Variants in ZFYVE28 observed in about 807,000 individuals in gnomAD.
The protein encoded by ZFYVE28 is lateral signaling target protein 2 homolog.
A neutral mutation model predicts 82.1 loss-of-function variants in ZFYVE28; 40 were observed. The observed-to-expected ratio is 0.49, with a 90% CI of 0.38 to 0.63. ZFYVE28 has a LOEUF of 0.63. Ranked by LOEUF, ZFYVE28 falls within the 30% of genes least tolerant of loss-of-function variation. ZFYVE28 has a pLI of 0.00. For missense variants in ZFYVE28, 1,321 were observed against 1,242.1 expected (o/e 1.06, Z -0.96); for synonymous variants, 612 against 546.1 (o/e 1.12, Z -1.68).
At chr4:2,355,359 G>A (rs577275243) in intron 1 of ZFYVE28, among the ~76,000 whole-genome samples, 2 of 138,630 alleles carry the variant, frequency 1.4e-5, no homozygotes, top group African/African-American at 2.7e-5. Context: ...TTAGTTGACT[G>A]CAACCTCTGC....
At position 2,329,190 on chromosome 4, in the gene ZFYVE28, T is replaced by C. The variant is rs1366716768; in HGVS notation, c.701+6515A>G. On this transcript the variant is annotated intron_variant, in intron 6 of 12. Coordinates refer to ENST00000290974, the MANE Select transcript of ZFYVE28 (RefSeq NM_020972.3). Reference sequence around the variant, plus strand: ...GAGTTTCGACAGCAATTGCACAGAATCTGTAGATCACTTTATGGAGTATTG... The same window carrying C: ...GAGTTTCGACAGCAATTGCACAGAACCTGTAGATCACTTTATGGAGTATTG... 8 of 681,540 alleles carry C rather than the reference T, an allele frequency of 1.2e-5. No individual in the cohort carries two copies. The East Asian group carries it at 1.9e-4, about 16-fold the overall frequency. The allele number at this position is 681,540 out of a possible 1,614,324, so 42.2% of individuals were successfully genotyped here.
rs532353898 is a variant in ZFYVE28, at chr4:2,269,611, A to T, written c.*1114T>A. On this transcript the variant is annotated 3_prime_UTR_variant, in exon 13 of 13. Transcript: ENST00000290974. ...AGGAGAGCGTCTGCAATCCTTAAAT[A>T]GATTTATGGAAATGGCTTCAAATTA... 2.6e-5 allele frequency: 4 copies of T among 152,346 alleles called. No individual in the cohort carries two copies. In the East Asian group the frequency reaches 7.7e-4, roughly 29 times the overall value. 9.4% of individuals were successfully genotyped at this position (152,346 alleles called of 1,614,324 possible). A position where few individuals can be genotyped will look rare whatever the true frequency, so the allele number is the denominator to read the frequency against.
Position 2,339,430 on chromosome 4 carries a change from C to T in ZFYVE28, c.521+23G>A. The T allele has an allele frequency of 3.7e-6, 6 of 1,610,664 alleles. No individual in the cohort carries two copies. The highest frequency in any genetic ancestry group is 1.1e-5 in the South Asian group (1 of 90,260). ...CGTCCCCCAGCTCATACAGCCAGGG[C>T]TGTGGACCCACAGCTGCAGTACCTG... On this transcript the variant is annotated intron_variant, in intron 4 of 12. Coordinates refer to ENST00000290974, the MANE Select transcript of ZFYVE28 (RefSeq NM_020972.3). The surrounding 1 kb of genome is among the most constrained non-coding windows in gnomAD (Gnocchi z 5.0).
At chr4:2,333,370 G>C (rs565710606) in intron 6 of ZFYVE28, among the ~76,000 whole-genome samples, 2 of 150,808 alleles carry the variant, frequency 1.3e-5, no homozygotes, top group South Asian at 2.1e-4. Flanking sequence ...GACAGAAGGA[G>C]GAGCAGAGGT....
intron 1 of ZFYVE28, among the ~76,000 whole-genome samples, chr4:2,395,392 G>A (rs548432509): frequency 6.6e-6 from 1 of 152,366 alleles, no homozygotes; most frequent in South Asian, 2.1e-4. Flanking sequence ...TTGCTTTCGC[G>A]CAGACAGCAC....
intron 1 of ZFYVE28, among the ~76,000 whole-genome samples, chr4:2,402,347 G>C (rs757040499): frequency 1.4e-4 from 21 of 152,174 alleles, no homozygotes; most frequent in Non-Finnish European, 2.1e-4. Flanking sequence ...CCCGCCATCA[G>C]ACACCATCTC....
chr4:2,335,184 G>GTA lies in ZFYVE28; in HGVS notation c.701+519_701+520dup, dbSNP rs1006304787. Among the ~76,000 whole-genome samples the GTA allele has an allele frequency of 1.3e-5, 2 of 151,770 alleles. No individual in the cohort carries two copies. Among genetic ancestry groups the GTA allele is most frequent in the Non-Finnish European group, 2.9e-5 (2 of 67,918 alleles). On this transcript the variant is annotated intron_variant, in intron 6 of 12. Coordinates refer to ENST00000290974, the MANE Select transcript of ZFYVE28 (RefSeq NM_020972.3). This position sits in a 1 kb window ranked among gnomAD's most constrained non-coding sequence, Gnocchi z 5.8. Reference sequence around the variant, plus strand: ...CGCTGGCAGGAAAGGTTCCACACAGGTATTCCATCAGCCAGACCAACTGCC... The same window carrying GTA: ...CGCTGGCAGGAAAGGTTCCACACAGGTATATTCCATCAGCCAGACCAACTGCC...
chr4:2,358,060 C>T (rs1725596519), intron 1 of ZFYVE28, among the ~76,000 whole-genome samples: 1 of 152,140 alleles, frequency 6.6e-6, no homozygotes, highest in African/African-American at 2.4e-5. Flanking sequence ...GACTGAGCCT[C>T]TGAGCAAAGA....
At chr4:2,336,670 G>A (rs1366452811) in intron 5 of ZFYVE28, among the ~76,000 whole-genome samples, 1 of 151,898 alleles carries the variant, frequency 6.6e-6, no homozygotes, top group Non-Finnish European at 1.5e-5. Context: ...GAGTGAGGAT[G>A]TGAGGATTGA....
Position 2,320,046 on chromosome 4 carries a change from C to A in ZFYVE28, c.803+124G>T. On this transcript the variant is annotated intron_variant, in intron 7 of 12. Transcript: ENST00000290974. The surrounding 1 kb of genome is among the most constrained non-coding windows in gnomAD (Gnocchi z 5.1). ...GTGACCCCTCCCTAGGGAATATTAA[C>A]CAGCCCATCCTTCCTCACAGAGAGG... The A allele has an allele frequency of 1.1e-6, 1 of 913,558 alleles. No individual in the cohort carries two copies. The allele number at this position is 913,558 out of a possible 1,614,324, so 56.6% of individuals were successfully genotyped here.
chr4:2,272,836 C>A (rs896109706), intron 10 of ZFYVE28, among the ~76,000 whole-genome samples: 1 of 152,266 alleles, frequency 6.6e-6, no homozygotes, highest in Non-Finnish European at 1.5e-5. Context: ...GTGCAGTCAC[C>A]TTGCTGCTGC....
chr4:2,374,448 TA>T (rs555430769), intron 1 of ZFYVE28, among the ~76,000 whole-genome samples: 3 of 150,420 alleles, frequency 2.0e-5, no homozygotes, highest in African/African-American at 4.9e-5. Flanking sequence ...CTCATCTCTA[TA>T]AAAAAAAACA....
chr4:2,281,862 G>A (rs4974668), intron 8 of ZFYVE28, among the ~76,000 whole-genome samples: 80,272 of 151,996 alleles, frequency 0.53, 22,045 homozygotes, highest in Non-Finnish European at 0.58. Flanking sequence ...TCCCCCAAAA[G>A]CCAAGTCTAG....
intron 1 of ZFYVE28, among the ~76,000 whole-genome samples, chr4:2,367,045 C>T (rs1037265287): frequency 6.6e-6 from 1 of 152,126 alleles, no homozygotes; most frequent in Non-Finnish European, 1.5e-5. Flanking sequence ...CCAAGAACAC[C>T]GACTGCAGAA....
intron 8 of ZFYVE28, among the ~76,000 whole-genome samples, chr4:2,282,074 G>A (rs959066345): frequency 2.0e-5 from 3 of 152,232 alleles, no homozygotes; most frequent in South Asian, 4.1e-4. Flanking sequence ...TCTCACCACA[G>A]AGTCTGAACC....
At chr4:2,393,625 CT>C (rs1730068214) in intron 1 of ZFYVE28, among the ~76,000 whole-genome samples, 2 of 152,194 alleles carry the variant, frequency 1.3e-5, no homozygotes, top group African/African-American at 4.8e-5. Flanking sequence ...TTGTTTTTGA[CT>C]CTATAAAAAG....
chr4:2,279,697 C>T (rs538027975), intron 8 of ZFYVE28, among the ~76,000 whole-genome samples: 9 of 151,448 alleles, frequency 5.9e-5, no homozygotes, highest in East Asian at 1.9e-4. Flanking sequence ...AGAAGAATGG[C>T]GTGAACCCGG....
chr4:2,354,346 C>A (rs976412592), intron 1 of ZFYVE28, among the ~76,000 whole-genome samples: 6 of 152,298 alleles, frequency 3.9e-5, no homozygotes, highest in South Asian at 2.1e-4. Flanking sequence ...TTGCTGCACC[C>A]CAGACACAAG....
intron 2 of ZFYVE28, among the ~76,000 whole-genome samples, chr4:2,350,737 A>G (rs1366945654): frequency 2.6e-5 from 4 of 152,172 alleles, no homozygotes; most frequent in Non-Finnish European, 4.4e-5. Flanking sequence ...ACCAACAGCC[A>G]ATGATATATA....
Sources: gnomAD v4.1 joint callset for allele counts (sites outside exome capture counted in the v4.1 genomes callset) on GRCh38, gnomAD v4.1.1 for gene constraint, Gnocchi (gnomAD v3.1) non-coding constraint, MANE v1.5 for transcripts, NCBI Gene and HGNC (gene_info 2026-07-23, HGNC 2026-07-21) for gene names.